STK17B: variants seen among roughly 807,000 people sequenced by gnomAD.
STK17B encodes serine/threonine kinase 17b.
STK17B carries 21 observed loss-of-function variants against 42.0 expected under a neutral mutation model. That is an observed-to-expected ratio of 0.50 (90% confidence interval 0.35 to 0.72). STK17B has a LOEUF of 0.72. STK17B is among the 30% of genes least tolerant of loss of function. The probability of loss-of-function intolerance (pLI) is 0.00; values close to 1 mark genes in which losing one functional copy is unlikely to be tolerated. For synonymous variants in STK17B, 143 were observed against 148.4 expected (o/e 0.96, Z 0.26); for missense variants, 349 against 446.0 (o/e 0.78, Z 1.96).
intron 4 of STK17B, 73 bp downstream of exon 4, chr2:196,145,838 A>C: frequency 7.1e-7 from 1 of 1,418,174 alleles, no homozygotes; most frequent in African/African-American, 1.5e-5. Context: ...TGTTAATACC[A>C]GTTTGCAACT....
At chr2:196,150,327 G>T (rs554076266) in intron 3 of STK17B, among the ~76,000 whole-genome samples, 1 of 152,160 alleles carries the variant, frequency 6.6e-6, no homozygotes, top group South Asian at 2.1e-4. Context: ...CCCTTGCAGG[G>T]ATATCAACAA....
intron 2 of STK17B, among the ~76,000 whole-genome samples, chr2:196,157,679 T>C (rs1699757944): frequency 6.6e-6 from 1 of 152,186 alleles, no homozygotes; most frequent in Non-Finnish European, 1.5e-5. Flanking sequence ...ACACACCCAT[T>C]AAGGTCATGT....
At position 196,137,465 on chromosome 2, in the gene STK17B, A is replaced by G. The variant is rs373589986; in HGVS notation, c.1101T>C (p.Val367=). ...AAAAGTGCTAACAGAGCAAATCTGAAACAAGTTCATGGGGATTGGGTAATG... is the reference window on the plus strand; with the variant it reads ...AAAAGTGCTAACAGAGCAAATCTGAGACAAGTTCATGGGGATTGGGTAATG... ...DDSLPNPHEL[V]SDLLC is the part of the protein sequence containing the mutation. Residue 367 remains valine, a synonymous_variant, in exon 8 of 8, where the codon GTT becomes GTC. Transcript: ENST00000263955. 3 of 1,613,550 alleles carry G rather than the reference A, an allele frequency of 1.9e-6. No homozygotes were observed. The African/African-American group carries it at 4.0e-5, about 22-fold the overall frequency.
intron 5 of STK17B, among the ~76,000 whole-genome samples, chr2:196,141,882 AC>A (rs927211185): frequency 6.6e-6 from 1 of 151,406 alleles, no homozygotes; most frequent in Non-Finnish European, 1.5e-5. Flanking sequence ...TCAGAAAAAA[AC>A]AATTATAAAA....
chr2:196,151,075 T>C (rs1231667135), intron 3 of STK17B, among the ~76,000 whole-genome samples: 1 of 152,206 alleles, frequency 6.6e-6, no homozygotes, highest in Non-Finnish European at 1.5e-5. Context: ...GTCTCCATCC[T>C]TTTCTGTTGG....
rs1559406434 is a variant in STK17B, at chr2:196,135,926, T to C, written c.*1521A>G. The C allele has an allele frequency of 6.6e-6, 1 of 151,664 alleles. No individual in the cohort carries two copies. The highest frequency in any genetic ancestry group is 2.4e-5 in the African/African-American group (1 of 41,302). The allele number at this position is 151,664 out of a possible 1,614,324, so 9.4% of individuals were successfully genotyped here. On this transcript the variant is annotated 3_prime_UTR_variant, in exon 8 of 8. Transcript: ENST00000263955. ...CTGTACATACACACATGTGCACACA[T>C]ACACACACAAGTAGAGAAAACTTTT...
chr2:196,149,912 G>A (rs1205467633), intron 3 of STK17B, among the ~76,000 whole-genome samples: 1 of 152,072 alleles, frequency 6.6e-6, no homozygotes, highest in Non-Finnish European at 1.5e-5. Flanking sequence ...TACTATGATT[G>A]TCAGCCAATC....
At chr2:196,169,857 T>A (rs564431424) in intron 1 of STK17B, among the ~76,000 whole-genome samples, 1 of 151,566 alleles carries the variant, frequency 6.6e-6, no homozygotes, top group East Asian at 1.9e-4. Flanking sequence ...TGTAAGCAAA[T>A]ATATTTCACC....
intron 2 of STK17B, among the ~76,000 whole-genome samples, chr2:196,158,184 A>T (rs1699763218): frequency 6.6e-6 from 1 of 152,204 alleles, no homozygotes; most frequent in Admixed American, 6.5e-5. Flanking sequence ...CTTAGCATGG[A>T]AAACAAAACT....
chr2:196,133,591 C>G lies in STK17B; in HGVS notation c.*3856G>C, dbSNP rs6741307. On this transcript the variant is annotated 3_prime_UTR_variant, in exon 8 of 8. Transcript: ENST00000263955. The stretch of plus-strand genomic sequence containing the variant: ...TTGTTTTCAGATTTATATGCCTTTA[C>G]AGATATGTTTATTAGACACAAAGAG... 2.6e-5 allele frequency: 4 copies of G among 152,190 alleles called. No homozygotes were observed. The highest frequency in any genetic ancestry group is 9.6e-5 in the African/African-American group (4 of 41,498). The allele number at this position is 152,190 out of a possible 1,614,324, so 9.4% of individuals were successfully genotyped here.
chr2:196,137,860 C>T (rs2105671579), intron 7 of STK17B, 131 bp from the exon 8 acceptor site: 2 of 1,009,846 alleles, frequency 2.0e-6, no homozygotes, highest in South Asian at 1.7e-5. Flanking sequence ...AAAATCCAAA[C>T]AGTACAGAAG....
At chr2:196,143,831 T>A in intron 4 of STK17B, 145 bp from the exon 5 acceptor site, 1 of 699,994 alleles carries the variant, frequency 1.4e-6, no homozygotes, top group Non-Finnish European at 2.0e-6. Flanking sequence ...ACTTACTACT[T>A]AGGCGGAGCT....
chr2:196,174,734 A>T (rs1699982930), upstream of STK17B, among the ~76,000 whole-genome samples: 2 of 152,202 alleles, frequency 1.3e-5, no homozygotes, highest in African/African-American at 4.8e-5. Context: ...CAGTGCATTT[A>T]CTCATGGTGC....
At chr2:196,156,705 G>T in intron 2 of STK17B, 54 bp from the exon 3 acceptor site, 1 of 1,353,628 alleles carries the variant, frequency 7.4e-7, no homozygotes, top group Non-Finnish European at 1.0e-6. Flanking sequence ...AACAACGTTA[G>T]TATATTACAG....
chr2:196,146,010 A>G lies in STK17B; in HGVS notation c.381T>C (p.Ala127=). ...EIFSLCLPEL[A]EMVSENDVIR... is the part of the protein sequence containing the mutation. ...TAACATCATTTTCAGAAACCATTTCAGCCAACTCAGGTAAACACAGGCTGA... is the reference window on the plus strand; with the variant it reads ...TAACATCATTTTCAGAAACCATTTCGGCCAACTCAGGTAAACACAGGCTGA... Residue 127 remains alanine, a synonymous_variant, in exon 4 of 8, where the codon GCT becomes GCC. Coordinates refer to ENST00000263955, the MANE Select transcript of STK17B (RefSeq NM_004226.4). 1.2e-6 allele frequency: 2 copies of G among 1,606,508 alleles called. No homozygotes were observed. Among genetic ancestry groups the G allele is most frequent in the Non-Finnish European group, 1.7e-6 (2 of 1,177,924 alleles).
intron 6 of STK17B, among the ~76,000 whole-genome samples, chr2:196,140,257 T>C (rs1202821089): frequency 6.6e-6 from 1 of 152,244 alleles, no homozygotes; most frequent in Non-Finnish European, 1.5e-5. Context: ...TAATGGCAAG[T>C]CTGGTGCCCA....
chr2:196,143,504 G>T, intron 5 of STK17B, 56 bp downstream of exon 5: 1 of 1,453,052 alleles, frequency 6.9e-7, no homozygotes, highest in Non-Finnish European at 9.3e-7. Flanking sequence ...TTCTACAGAG[G>T]TATCATTTAC....
intron 5 of STK17B, among the ~76,000 whole-genome samples, chr2:196,142,767 C>T (rs1208466835): frequency 6.6e-6 from 1 of 152,180 alleles, no homozygotes; most frequent in Non-Finnish European, 1.5e-5. Flanking sequence ...TAGTAATTTT[C>T]TCTGCTTTTT....
intron 5 of STK17B, 94 bp downstream of exon 5, chr2:196,143,466 G>C (rs1162448282): frequency 3.3e-6 from 4 of 1,226,364 alleles, no homozygotes; most frequent in Non-Finnish European, 4.4e-6. Context: ...CCTTTTAACT[G>C]AATCGAATTA....
Sources: gnomAD v4.1 joint callset for allele counts (sites outside exome capture counted in the v4.1 genomes callset) on GRCh38, gnomAD v4.1.1 for gene constraint, MANE v1.5 for transcripts, NCBI Gene and HGNC (gene_info 2026-07-23, HGNC 2026-07-21) for gene names.